BCL2L11: variants seen among roughly 807,000 people sequenced by gnomAD.
The protein encoded by BCL2L11 is BCL2 like 11.
BCL2L11 carries 15 observed loss-of-function variants against 20.6 expected under a neutral mutation model. The observed-to-expected ratio is 0.73, with a 90% CI of 0.49 to 1.12. BCL2L11 has a LOEUF of 1.12. Among genes scored for constraint, BCL2L11 ranks in the 50% most tolerant of loss-of-function variants. The pLI is 0.00. For missense variants in BCL2L11, 292 were observed against 260.9 expected, an observed-to-expected ratio of 1.12 and a Z score of -0.82; for synonymous variants, 108 against 92.8, an observed-to-expected ratio of 1.16 and a Z score of -0.94.
In BCL2L11 at chr2:111,120,987, C is replaced by CTG. The variant is rs1179348067; in HGVS notation, c.-215_-214insTG. ...TCCAGCGCCGCTGCCGCTGCCGCCG[C>CTG]CGCCGCCGCCGCCGCCGCCGCCGCC... On this transcript the variant is annotated 5_prime_UTR_variant, in exon 1 of 4. Coordinates refer to ENST00000393256, the MANE Select transcript of BCL2L11 (RefSeq NM_138621.5). 1.7e-4 allele frequency: 18 copies of CTG among 106,722 alleles called. No individual in the cohort carries two copies. Among genetic ancestry groups the CTG allele is most frequent in the Admixed American group, 1.2e-3 (7 of 5,664 alleles). 6.6% of individuals were successfully genotyped at this position (106,722 alleles called of 1,614,324 possible).
At chr2:111,123,466 CTCT>C (rs1323445018) in intron 1 of BCL2L11, 1 of 985,332 alleles carries the variant, frequency 1.0e-6, no homozygotes, top group Non-Finnish European at 1.2e-6. Flanking sequence ...TTAGCTGCTT[CTCT>C]GGAAACGCAT....
chr2:111,123,829 C>A lies in BCL2L11; in HGVS notation c.84C>A (p.Leu28=). Residue 28 remains leucine (L), a synonymous_variant, in exon 2 of 4, where the codon CTC becomes CTA. Transcript: ENST00000393256. ...QLQPAERPPQ[L]RPGAPTSLQT... is the part of the protein sequence containing the mutation. ...AGCCTGCGGAGAGGCCTCCCCAGCTCAGACCTGGGGCCCCTACCTCCCTAC... is the reference window on the plus strand; with the variant it reads ...AGCCTGCGGAGAGGCCTCCCCAGCTAAGACCTGGGGCCCCTACCTCCCTAC... 1 of 1,541,024 alleles carries A rather than the reference C, an allele frequency of 6.5e-7. No homozygotes were observed. Among genetic ancestry groups the A allele is most frequent in the Non-Finnish European group, 8.7e-7 (1 of 1,146,396 alleles).
intron 2 of BCL2L11, chr2:111,142,295 C>T: frequency 6.5e-7 from 1 of 1,547,760 alleles, no homozygotes; most frequent in African/African-American, 1.4e-5. Context: ...ATTTATACAA[C>T]ATTTTTATGG....
At chr2:111,126,300 A>G (rs2072595710) in intron 2 of BCL2L11, among the ~76,000 whole-genome samples, 1 of 152,186 alleles carries the variant, frequency 6.6e-6, no homozygotes, top group South Asian at 2.1e-4. Flanking sequence ...ACAGGGCTTC[A>G]AAGATCATAA....
In BCL2L11 at chr2:111,166,178, T is replaced by A. The variant is rs914701545; in HGVS notation, c.*1947T>A. 2.0e-5 allele frequency: 3 copies of A among 152,714 alleles called. No homozygotes were observed. The highest frequency in any genetic ancestry group is 7.2e-5 in the African/African-American group (3 of 41,466). The allele number at this position is 152,714 out of a possible 1,614,324, so 9.5% of individuals were successfully genotyped here. On this transcript the variant is annotated 3_prime_UTR_variant, in exon 4 of 4. Coordinates refer to ENST00000393256, the MANE Select transcript of BCL2L11 (RefSeq NM_138621.5). ...CATACACCAAAGATGTATTTGGATC[T>A]GGGCACCCCCTCCCAGGATCCCTGT...
rs375191233 is a variant in BCL2L11 at position 111,145,523 on chromosome 2, G to A, written c.395-4521G>A. Among the ~76,000 whole-genome samples the A allele has an allele frequency of 5.5e-4, 83 of 152,122 alleles. 1 individual carries two copies. The South Asian group carries it at 0.015, about 28-fold the overall frequency. ...TTTTTAAAAAAAAAAGTTTCCTGCC[G>A]TGGCTGCTGCTACAGAAAGTCCTTT... On this transcript the variant is annotated intron_variant, in intron 2 of 3. Transcript: ENST00000393256.
At chr2:111,155,404 T>C (rs2077703918) in intron 3 of BCL2L11, among the ~76,000 whole-genome samples, 2 of 148,080 alleles carry the variant, frequency 1.4e-5, no homozygotes, top group Admixed American at 1.3e-4. Flanking sequence ...AAGTGTAGAT[T>C]GCGACCCTCT....
intron 3 of BCL2L11, chr2:111,151,899 T>G: frequency 6.5e-7 from 1 of 1,542,606 alleles, no homozygotes; most frequent in Non-Finnish European, 8.8e-7. Context: ...AAATGGTAAT[T>G]TTTTTGGAAC....
rs1247543500 is a variant in BCL2L11 at position 111,166,093 on chromosome 2, T to C, written c.*1862T>C. 6.6e-6 allele frequency: 1 copy of C among 152,644 alleles called. No individual in the cohort carries two copies. Among genetic ancestry groups the C allele is most frequent in the African/African-American group, 2.4e-5 (1 of 41,452 alleles). The allele number at this position is 152,644 out of a possible 1,614,324, so 9.5% of individuals were successfully genotyped here. A position where few individuals can be genotyped will look rare whatever the true frequency, so the allele number is the denominator to read the frequency against. ...TGTCTCGAGCCCATTGGTAGGGTCA[T>C]ACAAAGCCCACGGTTACAAGCAGTG... is the stretch of plus-strand genomic sequence containing the variant. On this transcript the variant is annotated 3_prime_UTR_variant, in exon 4 of 4. Transcript: ENST00000393256.
Position 111,165,875 on chromosome 2 carries a change from GA to G in BCL2L11, c.*1649del, listed in dbSNP as rs1220837481. On this transcript the variant is annotated 3_prime_UTR_variant, in exon 4 of 4. Transcript: ENST00000393256. ...ATGTTCACGTTATTTAAATTAGGTG[GA>G]AAAATCTAAACATTTTTATCTTCAT... 1 of 152,104 alleles carries G rather than the reference GA, an allele frequency of 6.6e-6. No individual in the cohort carries two copies. Among genetic ancestry groups the G allele is most frequent in the Admixed American group, 6.5e-5 (1 of 15,282 alleles). The allele number at this position is 152,104 out of a possible 1,614,324, so 9.4% of individuals were successfully genotyped here. A position where few individuals can be genotyped will look rare whatever the true frequency, so the allele number is the denominator to read the frequency against.
chr2:111,128,894 C>G (rs1287518945), intron 2 of BCL2L11: 2 of 1,309,126 alleles, frequency 1.5e-6, no homozygotes, highest in Admixed American at 2.9e-5. Flanking sequence ...TAGAAAAATG[C>G]ACAATTAGAT....
At chr2:111,145,874 C>A in intron 2 of BCL2L11, 1 of 801,214 alleles carries the variant, frequency 1.2e-6, no homozygotes, top group Non-Finnish European at 1.5e-6. Context: ...GCAAAAATTG[C>A]TTATATCTGA....
chr2:111,155,089 G>T, intron 3 of BCL2L11, among the ~76,000 whole-genome samples: 1 of 152,360 alleles, frequency 6.6e-6, no homozygotes, highest in African/African-American at 2.4e-5. Flanking sequence ...CCAAGCTTGT[G>T]AGACTCCTTA....
At chr2:111,144,545 G>A (rs1260351056) in intron 2 of BCL2L11, 1 of 1,549,654 alleles carries the variant, frequency 6.5e-7, no homozygotes, top group Non-Finnish European at 8.7e-7. Context: ...GAAACATAAG[G>A]GGGCTGGTCT....
chr2:111,151,913 G>T (rs1575151154), intron 3 of BCL2L11: 1 of 1,524,582 alleles, frequency 6.6e-7, no homozygotes, highest in Non-Finnish European at 8.9e-7. Flanking sequence ...TTGGAACTTT[G>T]GTTGGTTTTA....
chr2:111,126,229 T>A (rs150409667), intron 2 of BCL2L11, among the ~76,000 whole-genome samples: 1,959 of 152,316 alleles, frequency 0.013, 23 homozygotes, highest in Non-Finnish European at 0.02. Flanking sequence ...GCTTTTTTTG[T>A]TGATAAATAC....
chr2:111,156,545 G>C (rs2077876744), intron 3 of BCL2L11, among the ~76,000 whole-genome samples: 1 of 152,218 alleles, frequency 6.6e-6, no homozygotes, highest in South Asian at 2.1e-4. Flanking sequence ...AATGGCCAGA[G>C]GTGATGAGCT....
At chr2:111,133,294 G>A (rs546061724) in intron 2 of BCL2L11, among the ~76,000 whole-genome samples, 2 of 152,186 alleles carry the variant, frequency 1.3e-5, no homozygotes, top group African/African-American at 2.4e-5. Context: ...AAACCAAGCA[G>A]CCATGTCTCA....
intron 2 of BCL2L11, chr2:111,145,927 T>C: frequency 2.1e-5 from 19 of 904,238 alleles, no homozygotes; most frequent in African/African-American, 1.7e-4. Flanking sequence ...TTTCTTTTTT[T>C]TTTTTTTTTT....
Sources: gnomAD v4.1 joint callset for allele counts (sites outside exome capture counted in the v4.1 genomes callset) on GRCh38, gnomAD v4.1.1 for gene constraint, MANE v1.5 for transcripts, NCBI Gene and HGNC (gene_info 2026-07-23, HGNC 2026-07-21) for gene names.